Variants in LRRC8D observed in about 807,000 individuals in gnomAD.
LRRC8D encodes the protein leucine rich repeat containing 8 VRAC subunit D, also known as volume-regulated anion channel subunit LRRC8D.
In LRRC8D, 20 loss-of-function variants were observed where a neutral mutation model predicts 55.8. The ratio of observed to expected loss-of-function variants is 0.36; its 90% CI spans 0.25 to 0.52. The LOEUF (loss-of-function observed/expected upper bound fraction) is 0.52. LRRC8D is among the 20% of genes least tolerant of loss of function. The pLI is 0.93. For synonymous variants in LRRC8D, 352 were observed against 377.0 expected (o/e 0.93, Z 0.77); for missense variants, 651 against 1,030.8 (o/e 0.63, Z 5.05).
At chr1:89,877,999 C>T (rs945748663) in intron 2 of LRRC8D, among the ~76,000 whole-genome samples, 1 of 152,064 alleles carries the variant, frequency 6.6e-6, no homozygotes, top group East Asian at 1.9e-4. Flanking sequence ...TTGAGAGGTG[C>T]GAGTTCCCTT....
chr1:89,910,658 G>A (rs182875214), intron 2 of LRRC8D, among the ~76,000 whole-genome samples: 52 of 152,080 alleles, frequency 3.4e-4, no homozygotes, highest in African/African-American at 1.2e-3. Context: ...TTTGAATCCT[G>A]GTCCACCTTG....
chr1:89,914,282 C>T (rs1222910374), intron 2 of LRRC8D, among the ~76,000 whole-genome samples: 8 of 152,202 alleles, frequency 5.3e-5, no homozygotes, highest in East Asian at 1.9e-4. Flanking sequence ...CACGCCCACC[C>T]GGAACTCCAG....
chr1:89,859,301 C>T (rs1475000463), intron 2 of LRRC8D, among the ~76,000 whole-genome samples: 1 of 151,464 alleles, frequency 6.6e-6, no homozygotes, highest in Non-Finnish European at 1.5e-5. Flanking sequence ...AGACTCCATA[C>T]ACGGAGATAG....
chr1:89,884,063 G>A (rs533467555), intron 2 of LRRC8D, among the ~76,000 whole-genome samples: 8 of 152,348 alleles, frequency 5.3e-5, no homozygotes, highest in Admixed American at 3.9e-4. Flanking sequence ...AGGTTAGAGC[G>A]TGTTTCATGT....
chr1:89,922,879 T>C (rs1663460243), intron 2 of LRRC8D, among the ~76,000 whole-genome samples: 1 of 152,218 alleles, frequency 6.6e-6, no homozygotes, highest in African/African-American at 2.4e-5. Context: ...GAGATAAAAT[T>C]TACATACCAT....
chr1:89,864,335 T>A (rs1003656761), intron 2 of LRRC8D, among the ~76,000 whole-genome samples: 22 of 152,080 alleles, frequency 1.4e-4, no homozygotes, highest in Non-Finnish European at 8.8e-5. Context: ...TTCAAACTTG[T>A]ACAAAGCCAT....
intron 2 of LRRC8D, among the ~76,000 whole-genome samples, chr1:89,872,189 G>A (rs781031771): frequency 2.0e-5 from 3 of 152,234 alleles, no homozygotes; most frequent in South Asian, 2.1e-4. Context: ...AGTAGCAAGC[G>A]TTGTGCAAAC....
At chr1:89,882,149 A>G (rs990315360) in intron 2 of LRRC8D, among the ~76,000 whole-genome samples, 4 of 152,194 alleles carry the variant, frequency 2.6e-5, no homozygotes, top group Admixed American at 6.5e-5. Context: ...AGGAGACTAG[A>G]AACTTTGGCA....
intron 1 of LRRC8D, among the ~76,000 whole-genome samples, chr1:89,828,941 T>C (rs1027464195): frequency 2.0e-5 from 3 of 152,182 alleles, no homozygotes; most frequent in Non-Finnish European, 4.4e-5. Flanking sequence ...CACCTTTTTC[T>C]CTGATGGTCA....
chr1:89,920,843 C>T (rs950584775), intron 2 of LRRC8D, among the ~76,000 whole-genome samples: 64 of 152,024 alleles, frequency 4.2e-4, no homozygotes, highest in African/African-American at 1.4e-3. Flanking sequence ...TATGTGCTTA[C>T]GTGTCTGTTG....
chr1:89,916,593 TTAA>T (rs1230393119), intron 2 of LRRC8D, among the ~76,000 whole-genome samples: 1 of 152,250 alleles, frequency 6.6e-6, no homozygotes, highest in Non-Finnish European at 1.5e-5. Flanking sequence ...TCATTACGCT[TTAA>T]TGAGATTGAG....
chr1:89,855,994 A>G (rs1661542531), intron 2 of LRRC8D, among the ~76,000 whole-genome samples: 1 of 151,966 alleles, frequency 6.6e-6, no homozygotes, highest in Admixed American at 6.6e-5. Flanking sequence ...TGGCATCAAG[A>G]TATGTATGTA....
At chr1:89,886,110 C>A (rs1462217279) in intron 2 of LRRC8D, among the ~76,000 whole-genome samples, 1 of 152,172 alleles carries the variant, frequency 6.6e-6, no homozygotes, top group African/African-American at 2.4e-5. Context: ...TATACCTCAT[C>A]CATAATGAAT....
Position 89,935,876 on chromosome 1 carries a change from GA to G in LRRC8D, c.*236del, listed in dbSNP as rs1223409955. 3 of 399,408 alleles carry G rather than the reference GA, an allele frequency of 7.5e-6. No homozygotes were observed. The highest frequency in any genetic ancestry group is 9.2e-6 in the Non-Finnish European group (2 of 218,032). The allele number at this position is 399,408 out of a possible 1,614,324, so 24.7% of individuals were successfully genotyped here. On this transcript the variant is annotated 3_prime_UTR_variant, in exon 3 of 3. Coordinates refer to ENST00000337338, the MANE Select transcript of LRRC8D (RefSeq NM_001134479.2). ...TTTTTTTCTTTTGGGGAAAGGGAAG[GA>G]AAAATTATAATCACTAATCTTGGTT...
chr1:89,860,799 T>A (rs1661698481), intron 2 of LRRC8D, among the ~76,000 whole-genome samples: 2 of 117,040 alleles, frequency 1.7e-5, no homozygotes, highest in Middle Eastern at 4.4e-3. Context: ...TATATATATA[T>A]ATATATATAT....
At chr1:89,886,798 A>G (rs1662431630) in intron 2 of LRRC8D, among the ~76,000 whole-genome samples, 1 of 152,158 alleles carries the variant, frequency 6.6e-6, no homozygotes, top group Non-Finnish European at 1.5e-5. Context: ...TGCCATAAAT[A>G]TTAACAGTGG....
At chr1:89,869,351 A>G (rs568060356) in intron 2 of LRRC8D, among the ~76,000 whole-genome samples, 1 of 152,360 alleles carries the variant, frequency 6.6e-6, no homozygotes, top group East Asian at 1.9e-4. Context: ...GCAAGTATCA[A>G]TAGCTGAATC....
Position 89,934,061 on chromosome 1 carries a change from C to T in LRRC8D, c.993C>T (p.Asn331=), listed in dbSNP as rs1028365112. The T allele has an allele frequency of 1.9e-5, 31 of 1,614,050 alleles. No individual in the cohort carries two copies. The highest frequency in any genetic ancestry group is 4.5e-5 in the East Asian group (2 of 44,892). Residue 331 remains asparagine, a synonymous_variant, in exon 3 of 3, where the codon AAC becomes AAT. Coordinates refer to ENST00000337338, the MANE Select transcript of LRRC8D (RefSeq NM_001134479.2). The surrounding 1 kb of genome is among the most constrained non-coding windows in gnomAD (Gnocchi z 5.9). ...FILCYTANFV[N]AISFEHVCKP... ...TCTGCTATACAGCGAACTTTGTCAA[C>T]GCAATCAGCTTTGAACACGTCTGCA...
intron 2 of LRRC8D, among the ~76,000 whole-genome samples, chr1:89,884,090 T>C (rs1350064580): frequency 6.6e-6 from 1 of 152,210 alleles, no homozygotes; most frequent in African/African-American, 2.4e-5. Flanking sequence ...TTTTTTCCTT[T>C]CTCATTGCTG....
Sources: gnomAD v4.1 joint callset for allele counts (sites outside exome capture counted in the v4.1 genomes callset) on GRCh38, gnomAD v4.1.1 for gene constraint, Gnocchi (gnomAD v3.1) non-coding constraint, MANE v1.5 for transcripts, NCBI Gene and HGNC (gene_info 2026-07-23, HGNC 2026-07-21) for gene names.